SLC35D2: variants seen among roughly 807,000 people sequenced by gnomAD.
SLC35D2 encodes the protein nucleotide sugar transporter SLC35D2.
Under a neutral mutation model 41.8 loss-of-function variants are expected in SLC35D2, and 43 were observed. The ratio of observed to expected loss-of-function variants is 1.03; its 90% CI spans 0.81 to 1.33. The LOEUF is 1.33. Among genes scored for constraint, SLC35D2 ranks in the 40% most tolerant of loss-of-function variants. The pLI is 0.00. For missense variants in SLC35D2, 380 were observed against 408.4 expected, an observed-to-expected ratio of 0.93 and a Z score of 0.60; for synonymous variants, 150 against 163.9, an observed-to-expected ratio of 0.92 and a Z score of 0.65.
At chr9:96,369,424 C>T (rs184585156) in intron 1 of SLC35D2, among the ~76,000 whole-genome samples, 41 of 152,104 alleles carry the variant, frequency 2.7e-4, no homozygotes, top group Non-Finnish European at 5.4e-4. Flanking sequence ...GCAATCTGAT[C>T]CTAAAGCTGA....
At chr9:96,335,755 G>C (rs758420493) in intron 9 of SLC35D2, among the ~76,000 whole-genome samples, 7 of 152,086 alleles carry the variant, frequency 4.6e-5, no homozygotes, top group Non-Finnish European at 7.4e-5. Context: ...TATACCTAAA[G>C]AAAATTTCAA....
At chr9:96,350,934 A>T (rs563826663) in intron 6 of SLC35D2, 169 bp downstream of exon 6, 179 of 532,722 alleles carry the variant, frequency 3.4e-4, no homozygotes, top group African/African-American at 2.7e-3. Context: ...TGTGGGACCC[A>T]CTTTGACTTT....
At chr9:96,369,120 G>C (rs1178127927) in intron 1 of SLC35D2, among the ~76,000 whole-genome samples, 1 of 152,094 alleles carries the variant, frequency 6.6e-6, no homozygotes, top group African/African-American at 2.4e-5. Flanking sequence ...ATGGTGGAGT[G>C]AGTGGGAGAT....
chr9:96,342,488 T>C (rs553075822), intron 8 of SLC35D2, among the ~76,000 whole-genome samples: 1 of 152,308 alleles, frequency 6.6e-6, no homozygotes, highest in Admixed American at 6.5e-5. Flanking sequence ...TAAAATTGAT[T>C]GATGGTAGCT....
In SLC35D2 at chr9:96,324,462, G is replaced by C. The variant is rs1587829633; in HGVS notation, c.753-293C>G. Among the ~76,000 whole-genome samples, 3 of 151,776 alleles carry C rather than the reference G, an allele frequency of 2.0e-5. No homozygotes were observed. In the East Asian group the frequency reaches 5.8e-4, roughly 29 times the overall value. Reference sequence around the variant, plus strand: ...GGGAGTAAGGAGAACAAGGTTTAATGACCTGAAATCTCTCATTTATCAGCA... The same window carrying C: ...GGGAGTAAGGAGAACAAGGTTTAATCACCTGAAATCTCTCATTTATCAGCA... On this transcript the variant is annotated intron_variant, in intron 9 of 11. Coordinates refer to ENST00000253270, the MANE Select transcript of SLC35D2 (RefSeq NM_007001.3).
chr9:96,376,546 T>C (rs1209976409), intron 1 of SLC35D2, among the ~76,000 whole-genome samples: 2 of 152,072 alleles, frequency 1.3e-5, no homozygotes, highest in African/African-American at 2.4e-5. Flanking sequence ...GAGGTGGAGA[T>C]TGCAGTGAGC....
intron 9 of SLC35D2, among the ~76,000 whole-genome samples, chr9:96,326,278 A>T (rs1472903726): frequency 6.6e-6 from 1 of 152,220 alleles, no homozygotes; most frequent in Non-Finnish European, 1.5e-5. Context: ...CTGAAGAAAA[A>T]GTAGGCAGCT....
intron 8 of SLC35D2, among the ~76,000 whole-genome samples, chr9:96,342,636 A>G (rs1320718449): frequency 2.6e-5 from 4 of 152,116 alleles, no homozygotes; most frequent in Non-Finnish European, 5.9e-5. Context: ...CGAAAAAGAG[A>G]GCTCTTTATC....
intron 1 of SLC35D2, among the ~76,000 whole-genome samples, chr9:96,374,921 G>A (rs1288794868): frequency 6.6e-6 from 1 of 150,436 alleles, no homozygotes; most frequent in Non-Finnish European, 1.5e-5. Flanking sequence ...AAAGATGTCT[G>A]AAATTGTTGC....
At chr9:96,331,841 C>T (rs1587840841) in intron 9 of SLC35D2, among the ~76,000 whole-genome samples, 1 of 152,292 alleles carries the variant, frequency 6.6e-6, no homozygotes, top group Admixed American at 6.5e-5. Context: ...CTCATAGAAG[C>T]GCAAACCCTA....
chr9:96,324,933 C>G (rs533075626), intron 9 of SLC35D2, among the ~76,000 whole-genome samples: 1 of 152,120 alleles, frequency 6.6e-6, no homozygotes, highest in Non-Finnish European at 1.5e-5. Context: ...GGGGCCCCGA[C>G]CGTGCACGAT....
chr9:96,342,435 T>C (rs1829373501), intron 8 of SLC35D2, among the ~76,000 whole-genome samples: 2 of 152,034 alleles, frequency 1.3e-5, no homozygotes, highest in South Asian at 4.1e-4. Context: ...TGGCCAAGAG[T>C]TCATAATTTT....
intron 3 of SLC35D2, among the ~76,000 whole-genome samples, chr9:96,360,571 G>C (rs893441883): frequency 3.0e-5 from 4 of 133,004 alleles, no homozygotes; most frequent in East Asian, 5.3e-4. Flanking sequence ...AGAGGTTGCA[G>C]TGAGCCAAAA....
intron 9 of SLC35D2, among the ~76,000 whole-genome samples, chr9:96,325,754 AG>A (rs1587831779): frequency 6.6e-6 from 1 of 152,208 alleles, no homozygotes; most frequent in African/African-American, 2.4e-5. Flanking sequence ...ACTCAACTCT[AG>A]CAAAGGGGTT....
intron 9 of SLC35D2, among the ~76,000 whole-genome samples, chr9:96,325,902 TG>T (rs1828505296): frequency 6.6e-6 from 1 of 152,192 alleles, no homozygotes; most frequent in Non-Finnish European, 1.5e-5. Context: ...TAACCTCTGT[TG>T]GCCTGAGTGT....
chr9:96,337,187 G>A (rs957756920), intron 8 of SLC35D2, among the ~76,000 whole-genome samples: 9 of 152,020 alleles, frequency 5.9e-5, no homozygotes, highest in Admixed American at 4.6e-4. Flanking sequence ...TTTATAAATC[G>A]TTTTAGAAGA....
rs745765233 is a variant in SLC35D2 at position 96,323,961 on chromosome 9, C to A, written c.831+130G>T. On this transcript the variant is annotated intron_variant, in intron 10 of 11. Coordinates refer to ENST00000253270, the MANE Select transcript of SLC35D2 (RefSeq NM_007001.3). ...AGAAGTAAGATGGGATCACACAGGC[C>A]GAGCTGAAAAGGTCACAGCCCTCGT... 5.8e-6 allele frequency: 4 copies of A among 688,088 alleles called. No homozygotes were observed. In the Admixed American group the frequency reaches 9.6e-5, roughly 17 times the overall value. 42.6% of individuals were successfully genotyped at this position (688,088 alleles called of 1,614,324 possible).
At chr9:96,365,040 CAAAAAAA>C (rs59249417) in intron 2 of SLC35D2, among the ~76,000 whole-genome samples, 3 of 49,388 alleles carry the variant, frequency 6.1e-5, no homozygotes, top group Non-Finnish European at 8.3e-5. Flanking sequence ...ACCACTGTCT[CAAAAAAA>C]AAAAAAAAAA....
chr9:96,329,876 C>T (rs1434879118), intron 9 of SLC35D2, among the ~76,000 whole-genome samples: 1 of 152,182 alleles, frequency 6.6e-6, no homozygotes, highest in Non-Finnish European at 1.5e-5. Context: ...ACCAATAGAA[C>T]ACACAAGTAT....
Sources: allele counts gnomAD v4.1 joint callset (sites outside exome capture counted in the v4.1 genomes callset), GRCh38; gene constraint gnomAD v4.1.1; transcripts MANE v1.5; gene names NCBI Gene and HGNC (gene_info 2026-07-23, HGNC 2026-07-21).